UPF3A: variants seen among roughly 807,000 people sequenced by gnomAD.
UPF3A encodes the protein regulator of nonsense transcripts 3A.
A neutral mutation model predicts 53.5 loss-of-function variants in UPF3A; 42 were observed. That is an observed-to-expected ratio of 0.78 (90% CI 0.61 to 1.01). The LOEUF is 1.01. Ranked by LOEUF, UPF3A falls within the 50% of genes least tolerant of loss-of-function variation. The probability of loss-of-function intolerance (pLI) is 0.00; values close to 1 mark genes in which losing one functional copy is unlikely to be tolerated. For synonymous variants in UPF3A, 237 were observed against 225.3 expected, an observed-to-expected ratio of 1.05 and a Z score of -0.47; for missense variants, 575 against 598.0, an observed-to-expected ratio of 0.96 and a Z score of 0.40.
At position 114,281,982 on chromosome 13, in the gene UPF3A, C is replaced by T. The variant is rs771374883; in HGVS notation, c.208-39C>T. The T allele has an allele frequency of 1.6e-5, 24 of 1,525,780 alleles. No individual in the cohort carries two copies. In the African/African-American group the frequency reaches 2.5e-4, roughly 16 times the overall value. The allele number at this position is 1,525,780 out of a possible 1,614,324, so 94.5% of individuals were successfully genotyped here. ...CGGTGCCTTTTGAGCTCCTTGTCCA[C>T]GCTCCGCCCCGGTGGGAACGGCCGC... On this transcript the variant is annotated intron_variant, in intron 1 of 9. Coordinates refer to ENST00000375299, the MANE Select transcript of UPF3A (RefSeq NM_023011.4).
chr13:114,287,153 TTACTTCCCAGTAGCACCAACA>T (rs548817691), intron 5 of UPF3A: 73 of 154,358 alleles, frequency 4.7e-4, no homozygotes, highest in Admixed American at 7.7e-4. Flanking sequence ...TTAGAAATAG[TTACTTCCCAGTAGCACCAACA>T]TACTTCCCAG....
At chr13:114,286,177 A>G (rs1300962921) in intron 3 of UPF3A, 125 bp from the exon 4 acceptor site, 17 of 1,161,114 alleles carry the variant, frequency 1.5e-5, no homozygotes, top group African/African-American at 3.1e-5. Context: ...GATGAATTAT[A>G]GTTTAAATAG....
intron 7 of UPF3A, among the ~76,000 whole-genome samples, chr13:114,296,685 G>C (rs1386520682): frequency 6.6e-6 from 1 of 152,194 alleles, no homozygotes; most frequent in Non-Finnish European, 1.5e-5. Context: ...ACTTGGAACT[G>C]TCGTCTGAAA....
intron 1 of UPF3A, 46 bp downstream of exon 1, chr13:114,281,892 C>T: frequency 5.0e-6 from 5 of 1,004,328 alleles, no homozygotes; most frequent in Non-Finnish European, 6.7e-6. Context: ...GAGAGGACGG[C>T]CCTGAGTGGA....
intron 5 of UPF3A, among the ~76,000 whole-genome samples, chr13:114,288,655 A>G (rs1049310025): frequency 6.6e-6 from 1 of 151,856 alleles, no homozygotes; most frequent in African/African-American, 2.4e-5. Context: ...GTCACATGGG[A>G]TAGACTGTGG....
chr13:114,304,700 A>C, intron 9 of UPF3A, 89 bp from the exon 10 acceptor site: 2 of 1,513,426 alleles, frequency 1.3e-6, no homozygotes, highest in South Asian at 2.6e-5. Flanking sequence ...TGGACAATTC[A>C]TATCATCAAG....
At chr13:114,285,327 A>G (rs1206656562) in intron 3 of UPF3A, 1 of 152,268 alleles carries the variant, frequency 6.6e-6, no homozygotes, top group Non-Finnish European at 1.5e-5. Flanking sequence ...CACACTGATT[A>G]CTTTCAGCTT....
intron 7 of UPF3A, among the ~76,000 whole-genome samples, chr13:114,296,144 G>T (rs553426413): frequency 6.6e-6 from 1 of 152,332 alleles, no homozygotes; most frequent in South Asian, 2.1e-4. Context: ...CAGCTCTTTG[G>T]GGGGCCAAGG....
rs1237221357 is a variant in UPF3A at position 114,282,040 on chromosome 13, C to T, written c.227C>T (p.Pro76Leu). The T allele has an allele frequency of 1.9e-6, 3 of 1,566,140 alleles. No homozygotes were observed. Among genetic ancestry groups the T allele is most frequent in the Non-Finnish European group, 2.6e-6 (3 of 1,157,304 alleles). The change falls in exon 2 of 10, where the codon CCT becomes CTT. Residue 76 changes from proline (P) to leucine (L), a missense_variant. This residue lies in a region of UPF3A where 252 missense variants were observed against 182.7 expected (regional missense o/e 1.38). Transcript: ENST00000375299. ...CCGCAGGTGGTCATCCGCCGCCTGC[C>T]TCCGGGCCTCACCAAGGAGCAGCTG... ...ALSKVVIRRL[P>L]PGLTKEQLEE... is the part of the protein sequence containing the mutation.
chr13:114,298,748 C>A, intron 7 of UPF3A, 92 bp from the exon 8 acceptor site: 1 of 1,258,688 alleles, frequency 7.9e-7, no homozygotes, highest in Non-Finnish European at 1.0e-6. Context: ...CATTTGGCTT[C>A]AATATTGGGG....
At chr13:114,299,657 G>A (rs559322397) in intron 8 of UPF3A, among the ~76,000 whole-genome samples, 1 of 152,214 alleles carries the variant, frequency 6.6e-6, no homozygotes, top group Non-Finnish European at 1.5e-5. Context: ...TATCTGCCCG[G>A]TGGGCCAGAG....
chr13:114,281,910 G>A, intron 1 of UPF3A, 64 bp downstream of exon 1: 3 of 1,073,610 alleles, frequency 2.8e-6, no homozygotes, highest in Admixed American at 2.1e-5. Context: ...GGAGGGAGGG[G>A]AGGGAGGGGA....
chr13:114,286,052 T>C (rs552948925), intron 3 of UPF3A: 6 of 466,574 alleles, frequency 1.3e-5, no homozygotes, highest in South Asian at 3.5e-5. Context: ...ATGTTCTTCT[T>C]ACCAGGAGTT....
At position 114,291,772 on chromosome 13, in the gene UPF3A, GAGAA is replaced by G. The variant is rs765574861; in HGVS notation, c.831_834del (p.Glu278Ter). The G allele has an allele frequency of 4.4e-6, 7 of 1,592,544 alleles. No individual in the cohort carries two copies. The highest frequency in any genetic ancestry group is 4.5e-5 in the East Asian group (2 of 44,832). The stretch of plus-strand genomic sequence containing the variant: ...GACAGATAAACAGAAGAAAATTGCA[GAGAA>G]AGAAGTAAGGATTAAGGTAATTCTG... On this transcript the variant is annotated frameshift_variant, in exon 7 of 10. Coordinates refer to ENST00000375299, the MANE Select transcript of UPF3A (RefSeq NM_023011.4). LOFTEE classifies it high-confidence loss of function.
At chr13:114,292,589 GTT>G (rs569569779) in intron 7 of UPF3A, among the ~76,000 whole-genome samples, 30 of 150,786 alleles carry the variant, frequency 2.0e-4, no homozygotes, top group African/African-American at 7.3e-4. Flanking sequence ...GTGCAGGTGT[GTT>G]ACGTGTTCAT....
chr13:114,298,697 C>G, intron 7 of UPF3A, 143 bp from the exon 8 acceptor site: 1 of 840,102 alleles, frequency 1.2e-6, no homozygotes, highest in South Asian at 3.3e-5. Context: ...AACCAAAAAC[C>G]TCATTTTTGG....
chr13:114,301,614 G>A (rs1356162963), intron 8 of UPF3A, 117 bp from the exon 9 acceptor site: 4 of 943,316 alleles, frequency 4.2e-6, no homozygotes, highest in Non-Finnish European at 6.5e-6. Flanking sequence ...CCTCAGCAGT[G>A]CAGCGCTGAG....
At chr13:114,283,769 C>T (rs1001222804) in intron 3 of UPF3A, 2 of 985,322 alleles carry the variant, frequency 2.0e-6, no homozygotes, top group African/African-American at 3.5e-5. Flanking sequence ...CATCTTTTTC[C>T]TTCTCTTCTC....
At chr13:114,291,464 C>A in intron 5 of UPF3A, 25 bp from the exon 6 acceptor site, 1 of 1,568,382 alleles carries the variant, frequency 6.4e-7, no homozygotes, top group Non-Finnish European at 8.7e-7. Flanking sequence ...GAGTTAAATA[C>A]AATATTACAA....
Sources: allele counts gnomAD v4.1 joint callset (sites outside exome capture counted in the v4.1 genomes callset), GRCh38; gene constraint gnomAD v4.1.1; regional missense constraint gnomAD v4.1.1; transcripts MANE v1.5; gene names NCBI Gene and HGNC (gene_info 2026-07-23, HGNC 2026-07-21).